The following SYNE2 variants were observed in gnomAD, a reference collection of about 807,000 sequenced individuals.
The protein encoded by SYNE2 is nesprin-2.
In SYNE2, 431 loss-of-function variants were observed where a neutral mutation model predicts 856.3. The observed-to-expected ratio is 0.50, with a 90% CI of 0.47 to 0.55. The LOEUF (loss-of-function observed/expected upper bound fraction) is 0.55, where lower values mean the gene tolerates loss of function less well. Among genes scored for constraint, SYNE2 ranks in the 20% least tolerant of loss-of-function variants. SYNE2 has a pLI of 0.00. For synonymous variants in SYNE2, 2,923 were observed against 2,872.3 expected (o/e 1.02, Z -0.56); for missense variants, 8,129 against 8,023.2 (o/e 1.01, Z -0.50).
At chr14:63,888,579 A>C (rs1473819424) in intron 1 of SYNE2, among the ~76,000 whole-genome samples, 3 of 152,326 alleles carry the variant, frequency 2.0e-5, no homozygotes, top group East Asian at 3.9e-4. Context: ...GCCGGGAATC[A>C]AGTAAGGTGA....
In SYNE2 at chr14:64,098,774, C is replaced by T. The variant is rs777803379; in HGVS notation, c.12334C>T (p.Leu4112=). Residue 4112 remains leucine (L), a synonymous_variant, in exon 63 of 116, where the codon CTG becomes TTG. Transcript: ENST00000555002. ...GAACAGAAGAGGCTCCATGTCTTAC[C>T]TGGCAGCAGTCGAGGAAGAGGTGGA... ...KLNRRGSMSY[L]AAVEEEVEES... The T allele has an allele frequency of 6.2e-7, 1 of 1,614,046 alleles. No individual in the cohort carries two copies. Among genetic ancestry groups the T allele is most frequent in the Admixed American group, 1.7e-5 (1 of 60,008 alleles).
At chr14:64,046,491 T>C (rs2153569525) in intron 45 of SYNE2, among the ~76,000 whole-genome samples, 1 of 152,326 alleles carries the variant, frequency 6.6e-6, no homozygotes, top group Non-Finnish European at 1.5e-5. Context: ...TAGCTGGGAC[T>C]ACAGATGCAT....
intron 1 of SYNE2, among the ~76,000 whole-genome samples, chr14:63,872,885 G>A (rs1170905251): frequency 1.3e-5 from 2 of 151,082 alleles, no homozygotes; most frequent in East Asian, 3.9e-4. Flanking sequence ...TGGTATATAT[G>A]TAACTCTGAT....
Position 64,020,062 on chromosome 14 carries a change from T to C in SYNE2, c.5120T>C (p.Leu1707Pro). 6 of 1,613,906 alleles carry C rather than the reference T, an allele frequency of 3.7e-6. No individual in the cohort carries two copies. The highest frequency in any genetic ancestry group is 5.1e-6 in the Non-Finnish European group (6 of 1,179,822). ...AGAGTGGCTGAAATACAGTTTTTGCTCCAAAGCAGTGAAATACCTCTTGAA... is the reference window on the plus strand; with the variant it reads ...AGAGTGGCTGAAATACAGTTTTTGCCCCAAAGCAGTGAAATACCTCTTGAA... ...SRRVAEIQFL[L>P]QSSEIPLELQ... Residue 1707 changes from leucine (L) to proline (P), a missense_variant, in exon 35 of 116, where the codon CTC becomes CCC. Leu to Pro is a moderately conservative substitution (Grantham distance 98, BLOSUM62 -3). Coordinates refer to ENST00000555002, the MANE Select transcript of SYNE2 (RefSeq NM_182914.3).
chr14:63,886,405 T>A (rs959376588), intron 1 of SYNE2, among the ~76,000 whole-genome samples: 2 of 152,240 alleles, frequency 1.3e-5, no homozygotes, highest in African/African-American at 4.8e-5. Context: ...GCATGCTTTG[T>A]TGTCCACTTG....
intron 84 of SYNE2, 37 bp downstream of exon 84, chr14:64,146,260 C>CT: frequency 1.9e-6 from 3 of 1,574,848 alleles, no homozygotes; most frequent in Middle Eastern, 1.7e-4. Flanking sequence ...AACCCGCGAG[C>CT]TGGGGTGATT....
chr14:63,841,329 A>G (rs558853352), intron 1 of SYNE2, among the ~76,000 whole-genome samples: 1 of 152,326 alleles, frequency 6.6e-6, no homozygotes, highest in South Asian at 2.1e-4. Context: ...GGCTGGATGT[A>G]TAGCTGTCCT....
In SYNE2 at chr14:64,101,963, A is replaced by T; in HGVS notation, c.12413A>T (p.Gln4138Leu). The change falls in exon 64 of 116, where the codon CAG becomes CTG. Residue 4138 changes from glutamine (Q) to leucine (L), a missense_variant. Gln to Leu is a moderately radical substitution (Grantham distance 113, BLOSUM62 -2). Transcript: ENST00000555002. ...GATGAGAAGGCAGAGCCATCGCCTC[A>T]GTCTTGGTCTTCACTTTGGAAGCAT... ...NGDEKAEPSP[Q>L]SWSSLWKHDK... The T allele has an allele frequency of 1.9e-6, 3 of 1,614,038 alleles. No individual in the cohort carries two copies. The South Asian group carries it at 3.3e-5, about 18-fold the overall frequency.
At chr14:64,102,949 C>T (rs912468836) in intron 64 of SYNE2, among the ~76,000 whole-genome samples, 2 of 152,010 alleles carry the variant, frequency 1.3e-5, no homozygotes, top group African/African-American at 4.8e-5. Context: ...TAATGTCTTC[C>T]GGTTCATCCA....
Position 64,219,297 on chromosome 14 carries a change from A to T in SYNE2, c.19747A>T (p.Ile6583Phe), listed in dbSNP as rs771974044. ...AAATTTGCAACAGCTGAACTCTGAT[A>T]TCAGCGCCATCACTACTTGGCTGAA... ...KQNLQQLNSD[I>F]SAITTWLKKT... is the part of the protein sequence containing the mutation. Residue 6583 changes from isoleucine to phenylalanine, a missense_variant, in exon 110 of 116, where the codon ATC becomes TTC. By Grantham distance (21) the Ile-to-Phe change is conservative (BLOSUM62 0). This residue lies in a region of SYNE2 where 5,410 missense variants were observed against 5,284.8 expected (regional missense o/e 1.02). Transcript: ENST00000555002. The T allele has an allele frequency of 6.2e-7, 1 of 1,614,114 alleles. No individual in the cohort carries two copies. The highest frequency in any genetic ancestry group is 1.1e-5 in the South Asian group (1 of 91,074).
intron 64 of SYNE2, 68 bp downstream of exon 64, chr14:64,102,110 T>G: frequency 8.8e-7 from 1 of 1,131,656 alleles, no homozygotes; most frequent in Non-Finnish European, 1.3e-6. Context: ...GATCTCTTTC[T>G]GCACGACTTT....
At chr14:63,851,975 CGGGGGG>C (rs113075796), upstream of SYNE2, among the ~76,000 whole-genome samples, 1,100 of 23,490 alleles carry the variant, frequency 0.047, 38 homozygotes, top group East Asian at 0.063. Flanking sequence ...AGCTACTAAG[CGGGGGG>C]GGGGGGGGGG....
chr14:63,964,549 A>T (rs2096364655), intron 10 of SYNE2, among the ~76,000 whole-genome samples: 1 of 151,706 alleles, frequency 6.6e-6, no homozygotes, highest in African/African-American at 2.4e-5. Flanking sequence ...TTCGAGACGG[A>T]GTTTTGCTCT....
intron 79 of SYNE2, among the ~76,000 whole-genome samples, chr14:64,138,727 C>T (rs181912151): frequency 2.0e-5 from 3 of 152,016 alleles, no homozygotes; most frequent in Non-Finnish European, 4.4e-5. Context: ...AATCTTGAAC[C>T]GTGTGAGGAA....
At position 63,975,746 on chromosome 14, in the gene SYNE2, C is replaced by T. The variant is rs564580172; in HGVS notation, c.1129-817C>T. Among the ~76,000 whole-genome samples the T allele has an allele frequency of 5.3e-5, 8 of 152,290 alleles. No individual in the cohort carries two copies. In the South Asian group the frequency reaches 1.0e-3, roughly 20 times the overall value. On this transcript the variant is annotated intron_variant, in intron 11 of 115. Transcript: ENST00000555002. ...TGTTGGCATTTGAGCATCTAATTTT[C>T]GCCTAACTGCTGCATAGCATTAAAT...
intron 1 of SYNE2, among the ~76,000 whole-genome samples, chr14:63,837,918 CAAAAAA>C (rs34952817): frequency 4.2e-4 from 26 of 62,186 alleles, no homozygotes; most frequent in African/African-American, 1.3e-3. Flanking sequence ...GACTCTGTTT[CAAAAAA>C]AAAAAAAAAA....
chr14:63,849,899 G>T (rs1248702941), upstream of SYNE2, among the ~76,000 whole-genome samples: 1 of 152,150 alleles, frequency 6.6e-6, no homozygotes, highest in East Asian at 1.9e-4. Context: ...TCTCACCCAT[G>T]TGTCACAGTA....
At chr14:64,158,272 T>C (rs2098301461) in intron 85 of SYNE2, among the ~76,000 whole-genome samples, 1 of 152,232 alleles carries the variant, frequency 6.6e-6, no homozygotes, top group Admixed American at 6.5e-5. Flanking sequence ...AAACTGACTC[T>C]AGGGTCCAAT....
intron 65 of SYNE2, among the ~76,000 whole-genome samples, chr14:64,109,526 A>G (rs2097791751): frequency 6.6e-6 from 1 of 152,332 alleles, no homozygotes. Context: ...TCTGAGTTTA[A>G]AACCTGAGCT....
Sources: gnomAD v4.1 joint callset for allele counts (sites outside exome capture counted in the v4.1 genomes callset) on GRCh38, gnomAD v4.1.1 for gene constraint, gnomAD v4.1.1 regional missense constraint, MANE v1.5 for transcripts, NCBI Gene and HGNC (gene_info 2026-07-23, HGNC 2026-07-21) for gene names.